NKIRAS1: variants seen among roughly 807,000 people sequenced by gnomAD.
NKIRAS1 encodes the protein NF-kappa-B inhibitor-interacting Ras-like protein 1.
A neutral mutation model predicts 19.8 loss-of-function variants in NKIRAS1; 16 were observed. The observed-to-expected ratio is 0.81, with a 90% confidence interval of 0.55 to 1.23. The LOEUF (loss-of-function observed/expected upper bound fraction) is 1.23, where lower values mean the gene tolerates loss of function less well. Among genes scored for constraint, NKIRAS1 ranks in the 50% most tolerant of loss-of-function variants. NKIRAS1 has a pLI of 0.00. For synonymous variants in NKIRAS1, 88 were observed against 79.0 expected (o/e 1.11, Z -0.61); for missense variants, 184 against 220.0 (o/e 0.84, Z 1.04).
chr3:23,898,319 G>A (rs866351445), intron 4 of NKIRAS1, among the ~76,000 whole-genome samples: 18 of 151,958 alleles, frequency 1.2e-4, no homozygotes, highest in African/African-American at 2.4e-4. Flanking sequence ...AGTTTGGTAC[G>A]TACCATGGAA....
At chr3:23,914,466 T>C (rs997482762) in intron 1 of NKIRAS1, among the ~76,000 whole-genome samples, 1 of 152,232 alleles carries the variant, frequency 6.6e-6, no homozygotes, top group Non-Finnish European at 1.5e-5. Flanking sequence ...CAACATTATG[T>C]ATAGTGTGGA....
chr3:23,918,094 T>C, upstream of NKIRAS1: 1 of 1,555,910 alleles, frequency 6.4e-7, no homozygotes, highest in Non-Finnish European at 8.7e-7. Context: ...GGAAACCAGC[T>C]GTTAGGAAGA....
Position 23,890,008 on chromosome 3 carries a change from A to G in NKIRAS1, c.*3087T>C, listed in dbSNP as rs1472669071. Among the ~76,000 whole-genome samples, 1 of 152,170 alleles carries G rather than the reference A, an allele frequency of 6.6e-6. No individual in the cohort carries two copies. Among genetic ancestry groups the G allele is most frequent in the Non-Finnish European group, 1.5e-5 (1 of 68,022 alleles). ...AGATCCTAAGATTCAGAGAAATACT[A>G]TACTTAATTGGAGGTCCAGGTTTTG... On this transcript the variant is annotated 3_prime_UTR_variant, in exon 5 of 5. Transcript: ENST00000425478.
chr3:23,896,713 C>T (rs1439744249), intron 4 of NKIRAS1, among the ~76,000 whole-genome samples: 2 of 151,858 alleles, frequency 1.3e-5, no homozygotes, highest in East Asian at 3.9e-4. Context: ...GTGGCTCACA[C>T]CTGTAATCCC....
chr3:23,894,606 C>T (rs917934235), intron 4 of NKIRAS1, among the ~76,000 whole-genome samples: 1 of 118,250 alleles, frequency 8.5e-6, no homozygotes, highest in Non-Finnish European at 1.8e-5. Flanking sequence ...TTCAGCAAGA[C>T]TAACCCCCAC....
chr3:23,912,068 C>T (rs534179849), intron 1 of NKIRAS1, among the ~76,000 whole-genome samples: 2 of 152,248 alleles, frequency 1.3e-5, no homozygotes, highest in South Asian at 2.1e-4. Context: ...CTGGCTGTCA[C>T]GTGGGCTTTC....
chr3:23,936,825 C>T (rs959081587), intron 1 of NKIRAS1, among the ~76,000 whole-genome samples: 3 of 152,324 alleles, frequency 2.0e-5, no homozygotes, highest in South Asian at 2.1e-4. Flanking sequence ...GGATTACAGG[C>T]GTGAGCCACT....
At chr3:23,908,158 T>C (rs961086836) in intron 3 of NKIRAS1, among the ~76,000 whole-genome samples, 5 of 152,202 alleles carry the variant, frequency 3.3e-5, no homozygotes, top group Non-Finnish European at 7.3e-5. Flanking sequence ...GAAGACTTCC[T>C]TAGCGAACCA....
At chr3:23,920,385 C>A, upstream of NKIRAS1, 3 of 985,266 alleles carry the variant, frequency 3.0e-6, no homozygotes, top group Non-Finnish European at 3.6e-6. Flanking sequence ...CGCATGGTTT[C>A]CAACCATATG....
upstream of NKIRAS1, chr3:23,918,747 T>A: frequency 2.6e-6 from 2 of 774,808 alleles, no homozygotes; most frequent in South Asian, 1.9e-5. Flanking sequence ...TTGTCTTTGT[T>A]ACAAATGCGT....
intron 3 of NKIRAS1, 129 bp from the exon 4 acceptor site, chr3:23,901,178 A>AATTT: frequency 2.1e-6 from 2 of 938,556 alleles, no homozygotes; most frequent in Non-Finnish European, 3.0e-6. Flanking sequence ...TTTCTATTTT[A>AATTT]CTTTTTTTTT....
chr3:23,929,264 C>T (rs1350308161), intron 1 of NKIRAS1, among the ~76,000 whole-genome samples: 2 of 144,602 alleles, frequency 1.4e-5, no homozygotes, highest in East Asian at 2.2e-4. Flanking sequence ...CTCTGGAGGC[C>T]GACGTAGGAG....
intron 1 of NKIRAS1, among the ~76,000 whole-genome samples, chr3:23,912,854 C>T (rs1174769464): frequency 6.6e-6 from 1 of 151,996 alleles, no homozygotes; most frequent in Non-Finnish European, 1.5e-5. Context: ...CGCGGTGGCT[C>T]ATGCCTGTAA....
chr3:23,916,325 A>C (rs1318417243), intron 1 of NKIRAS1: 1 of 152,178 alleles, frequency 6.6e-6, no homozygotes, highest in Non-Finnish European at 1.5e-5. Context: ...AAAAACCCGC[A>C]ACGCAAAATG....
At chr3:23,901,757 T>C (rs1239766972) in intron 3 of NKIRAS1, among the ~76,000 whole-genome samples, 2 of 152,210 alleles carry the variant, frequency 1.3e-5, no homozygotes, top group African/African-American at 2.4e-5. Context: ...AGGTAAGGTA[T>C]AGTCCCAGTA....
chr3:23,931,133 A>C (rs1447910640), intron 1 of NKIRAS1, among the ~76,000 whole-genome samples: 2 of 152,214 alleles, frequency 1.3e-5, no homozygotes, highest in African/African-American at 4.8e-5. Flanking sequence ...TGTGTATGCT[A>C]TCAGTGGCTC....
chr3:23,918,174 C>A, upstream of NKIRAS1: 3 of 1,066,462 alleles, frequency 2.8e-6, no homozygotes, highest in Non-Finnish European at 4.0e-6. Flanking sequence ...TGGTCAGTTA[C>A]TGTATGCACT....
chr3:23,920,585 ATG>A, upstream of NKIRAS1: 1 of 985,292 alleles, frequency 1.0e-6, no homozygotes, highest in Non-Finnish European at 1.2e-6. Context: ...TGTAAAGAAA[ATG>A]TAGACAAGGA....
intron 1 of NKIRAS1, among the ~76,000 whole-genome samples, chr3:23,931,377 G>T (rs1253907434): frequency 6.6e-6 from 1 of 152,132 alleles, no homozygotes; most frequent in Non-Finnish European, 1.5e-5. Context: ...GTTCTGCATT[G>T]ACGTTCTTCT....
Sources: gnomAD v4.1 joint callset for allele counts (sites outside exome capture counted in the v4.1 genomes callset) on GRCh38, gnomAD v4.1.1 for gene constraint, MANE v1.5 for transcripts, NCBI Gene and HGNC (gene_info 2026-07-23, HGNC 2026-07-21) for gene names.